Variants in R3HDM2 observed in about 807,000 individuals in gnomAD.
R3HDM2 encodes the protein R3H domain-containing protein 2.
In R3HDM2, 38 loss-of-function variants were observed where a neutral mutation model predicts 124.5. That is an observed-to-expected ratio of 0.31 (90% confidence interval 0.24 to 0.40). The LOEUF (loss-of-function observed/expected upper bound fraction) is 0.40, where lower values mean the gene tolerates loss of function less well. Ranked by LOEUF, R3HDM2 falls within the 10% of genes least tolerant of loss-of-function variation. The probability of loss-of-function intolerance (pLI) is 1.00; values close to 1 mark genes in which losing one functional copy is unlikely to be tolerated. For synonymous variants in R3HDM2, 391 were observed against 448.0 expected, an observed-to-expected ratio of 0.87 and a Z score of 1.61; for missense variants, 869 against 1,236.9, an observed-to-expected ratio of 0.70 and a Z score of 4.46.
chr12:57,299,339 A>C lies in R3HDM2; in HGVS notation c.421+13T>G. The C allele has an allele frequency of 6.5e-7, 1 of 1,546,912 alleles. No individual in the cohort carries two copies. The highest frequency in any genetic ancestry group is 1.4e-5 in the African/African-American group (1 of 73,006). ...TGCCCTAGAACAGATGAGAGATGGG[A>C]AAAACTCCTTACCTCTGGACAGCAT... On this transcript the variant is annotated intron_variant, in intron 6 of 23. Transcript: ENST00000402412.
intron 14 of R3HDM2, among the ~76,000 whole-genome samples, chr12:57,270,714 G>A (rs1187960883): frequency 4.6e-5 from 7 of 151,716 alleles, no homozygotes; most frequent in South Asian, 2.1e-4. Context: ...GATTACAGGC[G>A]TGAGCCACCG....
intron 2 of R3HDM2, among the ~76,000 whole-genome samples, chr12:57,337,308 C>G (rs974472921): frequency 2.8e-4 from 43 of 152,060 alleles, no homozygotes; most frequent in African/African-American, 1.0e-3. Flanking sequence ...GGGCCATACA[C>G]TTGGCTGAAT....
Position 57,254,979 on chromosome 12 carries a change from C to G in R3HDM2, c.2767G>C (p.Gly923Arg). ...WLKDAQGLPG[G>R]GGGDNSGTAE... The stretch of plus-strand genomic sequence containing the variant: ...GTCCCACTGTTGTCCCCCCCACCCC[C>G]TCCAGGCAGCCCCTGAGCATCCTTG... The change falls in exon 24 of 24, where the codon GGG becomes CGG. Residue 923 changes from glycine (G) to arginine (R), a missense_variant. Gly to Arg is a moderately radical substitution (Grantham distance 125). Transcript: ENST00000402412. 3 of 1,612,544 alleles carry G rather than the reference C, an allele frequency of 1.9e-6. No individual in the cohort carries two copies. The highest frequency in any genetic ancestry group is 8.5e-7 in the Non-Finnish European group (1 of 1,178,588).
intron 1 of R3HDM2, among the ~76,000 whole-genome samples, chr12:57,408,436 A>G (rs1166723469): frequency 6.6e-6 from 1 of 152,182 alleles, no homozygotes; most frequent in African/African-American, 2.4e-5. Context: ...TTGCTTCAAA[A>G]TAATCAATAA....
chr12:57,349,182 C>T (rs1335436078), intron 2 of R3HDM2, among the ~76,000 whole-genome samples: 1 of 151,716 alleles, frequency 6.6e-6, no homozygotes, highest in Non-Finnish European at 1.5e-5. Flanking sequence ...AGATTGAGAC[C>T]ATCCTGGCTA....
intron 1 of R3HDM2, among the ~76,000 whole-genome samples, chr12:57,413,104 G>C (rs936685636): frequency 2.0e-5 from 3 of 151,918 alleles, no homozygotes; most frequent in African/African-American, 7.3e-5. Context: ...AGTGAGCTAA[G>C]ATCATGCCAC....
At chr12:57,392,696 T>C (rs2066882852) in intron 2 of R3HDM2, among the ~76,000 whole-genome samples, 2 of 151,964 alleles carry the variant, frequency 1.3e-5, no homozygotes, top group South Asian at 2.1e-4. Context: ...TTGGAAGCTA[T>C]TCAAGCCCAA....
intron 1 of R3HDM2, among the ~76,000 whole-genome samples, chr12:57,397,513 GT>G (rs199753363): frequency 2.6e-5 from 4 of 151,594 alleles, no homozygotes; most frequent in African/African-American, 7.3e-5. Flanking sequence ...AAAAGTTCTA[GT>G]TTTTTTTTAT....
At chr12:57,376,076 G>A (rs2064023384) in intron 2 of R3HDM2, among the ~76,000 whole-genome samples, 1 of 152,140 alleles carries the variant, frequency 6.6e-6, no homozygotes, top group South Asian at 2.1e-4. Flanking sequence ...ATGGTCAAAG[G>A]GGCCCAGTTT....
At chr12:57,364,610 A>G (rs1359858551) in intron 2 of R3HDM2, among the ~76,000 whole-genome samples, 2 of 151,954 alleles carry the variant, frequency 1.3e-5, no homozygotes, top group Non-Finnish European at 2.9e-5. Flanking sequence ...TGCTTGGTAC[A>G]CGTATGCCCA....
chr12:57,360,243 G>C (rs542829356), intron 2 of R3HDM2, among the ~76,000 whole-genome samples: 4 of 151,162 alleles, frequency 2.6e-5, no homozygotes, highest in African/African-American at 9.7e-5. Flanking sequence ...GGCTAGGCTG[G>C]TCTCGAACTC....
intron 11 of R3HDM2, among the ~76,000 whole-genome samples, chr12:57,290,957 G>A (rs1011100845): frequency 9.9e-5 from 15 of 152,014 alleles, no homozygotes; most frequent in African/African-American, 3.1e-4. Flanking sequence ...ACACAACTTA[G>A]GGGGTTATCA....
At chr12:57,373,268 A>G (rs900027300) in intron 2 of R3HDM2, among the ~76,000 whole-genome samples, 1 of 152,132 alleles carries the variant, frequency 6.6e-6, no homozygotes, top group Non-Finnish European at 1.5e-5. Context: ...TGGGAGGCCA[A>G]TGCAGGTGGA....
intron 2 of R3HDM2, among the ~76,000 whole-genome samples, chr12:57,324,542 C>A (rs2056989964): frequency 6.6e-6 from 1 of 152,204 alleles, no homozygotes; most frequent in Non-Finnish European, 1.5e-5. Flanking sequence ...AGACAACAAC[C>A]TGATTTCAAA....
intron 2 of R3HDM2, among the ~76,000 whole-genome samples, chr12:57,395,364 C>CATG (rs1555311133): frequency 5.3e-5 from 8 of 151,270 alleles, no homozygotes; most frequent in South Asian, 2.1e-4. Flanking sequence ...ACTAGCCGGG[C>CATG]GTGGTGGTGC....
intron 1 of R3HDM2, among the ~76,000 whole-genome samples, chr12:57,399,753 T>C (rs1029808955): frequency 6.6e-6 from 1 of 152,214 alleles, no homozygotes; most frequent in Non-Finnish European, 1.5e-5. Flanking sequence ...CCACTTCTAA[T>C]GGTGTCATTA....
intron 2 of R3HDM2, among the ~76,000 whole-genome samples, chr12:57,358,791 G>C (rs1326550431): frequency 2.0e-5 from 3 of 152,130 alleles, no homozygotes; most frequent in Admixed American, 2.0e-4. Flanking sequence ...GTTAATTACT[G>C]ATTTGTGTTT....
chr12:57,375,475 A>G (rs1014052807), intron 2 of R3HDM2, among the ~76,000 whole-genome samples: 1 of 152,204 alleles, frequency 6.6e-6, no homozygotes, highest in African/African-American at 2.4e-5. Context: ...AAAAATGGCT[A>G]TATCTCTTCA....
At chr12:57,255,140 T>A (rs1172719671) in intron 23 of R3HDM2, 27 bp from the exon 24 acceptor site, 1 of 1,542,150 alleles carries the variant, frequency 6.5e-7, no homozygotes, top group Non-Finnish European at 8.8e-7. Context: ...GAGGACATGG[T>A]TGTGAGAGGA....
Sources: allele counts gnomAD v4.1 joint callset (sites outside exome capture counted in the v4.1 genomes callset), GRCh38; gene constraint gnomAD v4.1.1; transcripts MANE v1.5; gene names NCBI Gene and HGNC (gene_info 2026-07-23, HGNC 2026-07-21).